The following RUSC1 variants were observed in gnomAD, a reference collection of about 807,000 sequenced individuals.
The protein encoded by RUSC1 is RUN and SH3 domain containing 1, also known as AP-4 complex accessory subunit RUSC1.
RUSC1 carries 40 observed loss-of-function variants against 72.1 expected under a neutral mutation model. The ratio of observed to expected loss-of-function variants is 0.55; its 90% confidence interval spans 0.43 to 0.72. RUSC1 has a LOEUF of 0.72. RUSC1 is among the 30% of genes least tolerant of loss of function. RUSC1 has a pLI of 0.00. For missense variants in RUSC1, 1,092 were observed against 1,172.3 expected (o/e 0.93, Z 1.00); for synonymous variants, 512 against 494.2 (o/e 1.04, Z -0.48).
At chr1:155,321,371 G>A in intron 1 of RUSC1, 1 of 1,380,950 alleles carries the variant, frequency 7.2e-7, no homozygotes, top group Non-Finnish European at 9.7e-7. Flanking sequence ...TGGAGGGCAG[G>A]GCCAGATTGC....
chr1:155,325,056 G>T lies in RUSC1; in HGVS notation c.1457-46G>T. 3 of 1,614,112 alleles carry T rather than the reference G, an allele frequency of 1.9e-6. No individual in the cohort carries two copies. Among genetic ancestry groups the T allele is most frequent in the Non-Finnish European group, 2.5e-6 (3 of 1,179,978 alleles). On this transcript the variant is annotated intron_variant, in intron 3 of 9. Transcript: ENST00000368352. This position sits in a 1 kb window ranked among gnomAD's most constrained non-coding sequence, Gnocchi z 6.5. Reference sequence around the variant, plus strand: ...CTCCACGCCCCTCGGGCAAGCCTGGGTAGGGGCGCGGCCTCCTAGCGTCTT... The same window carrying T: ...CTCCACGCCCCTCGGGCAAGCCTGGTTAGGGGCGCGGCCTCCTAGCGTCTT...
Position 155,325,169 on chromosome 1 carries a change from G to C in RUSC1, c.1524G>C (p.Leu508Phe). The part of the protein sequence containing the change: ...IISHFGAARN[L>F]VQKAQLGDSR... ...CGCATTTCGGGGCCGCCCGGAACTT[G>C]GTGCAGAAGGTGAAGGTGGCTGGGG... Residue 508 changes from leucine to phenylalanine, a missense_variant, in exon 4 of 10, where the codon TTG becomes TTC. By Grantham distance (22) the Leu-to-Phe change is conservative (BLOSUM62 0). Transcript: ENST00000368352. This position sits in a 1 kb window ranked among gnomAD's most constrained non-coding sequence, Gnocchi z 6.5. The C allele has an allele frequency of 6.2e-7, 1 of 1,614,246 alleles. No homozygotes were observed. The highest frequency in any genetic ancestry group is 1.7e-5 in the Admixed American group (1 of 60,026).
chr1:155,323,089 C>A lies in RUSC1; in HGVS notation c.1316C>A (p.Ala439Asp). ...GTCAGCCCAGCGGCTGGCGAGGAGG[C>A]CCCAGCCGCGAAGGAGCCGGGCGCG... ...RAVSPAAGEE[A>D]PAAKEPGAQA... Residue 439 changes from alanine (A) to aspartate (D), a missense_variant, in exon 2 of 10, where the codon GCC (alanine) becomes GAC (aspartate). Coordinates refer to ENST00000368352, the MANE Select transcript of RUSC1 (RefSeq NM_001105203.2). 1 of 1,426,254 alleles carries A rather than the reference C, an allele frequency of 7.0e-7. No homozygotes were observed. 88.3% of individuals were successfully genotyped at this position (1,426,254 alleles called of 1,614,324 possible). A position where few individuals can be genotyped will look rare whatever the true frequency, so the allele number is the denominator to read the frequency against.
In RUSC1 at chr1:155,330,479, G is replaced by C. The variant is rs1288786707; in HGVS notation, c.2617G>C (p.Val873Leu). ...LSFRRGEVLR[V>L]ITTVDEDWLR... ...CTTCCGGCGTGGGGAAGTGCTGCGT[G>C]TCATCACCACAGTGGATGAGGACTG... The change falls in exon 10 of 10, where the codon GTC becomes CTC. Residue 873 changes from valine (V) to leucine (L), a missense_variant. Transcript: ENST00000368352. 6.2e-7 allele frequency: 1 copy of C among 1,614,006 alleles called. No individual in the cohort carries two copies. Among genetic ancestry groups the C allele is most frequent in the Admixed American group, 1.7e-5 (1 of 60,028 alleles).
In RUSC1 at chr1:155,326,793, T is replaced by C; in HGVS notation, c.2075T>C (p.Met692Thr). Residue 692 changes from methionine to threonine, a missense_variant, in exon 8 of 10, where the codon ATG (methionine) becomes ACG (threonine). Met to Thr is a moderately conservative substitution (Grantham distance 81). Transcript: ENST00000368352. The surrounding 1 kb of genome is among the most constrained non-coding windows in gnomAD (Gnocchi z 4.7). ...PGPPPALQQT[M>T]QAMLHFGGRL... ...CCACCTCCAGCTCTGCAGCAGACTA[T>C]GCAAGCCATGCTGCACTTTGGGGGC... 1.9e-6 allele frequency: 3 copies of C among 1,613,144 alleles called. No homozygotes were observed. The highest frequency in any genetic ancestry group is 2.5e-6 in the Non-Finnish European group (3 of 1,180,024).
At chr1:155,324,436 C>T in intron 2 of RUSC1, 2 of 1,613,058 alleles carry the variant, frequency 1.2e-6, no homozygotes, top group South Asian at 1.1e-5. Flanking sequence ...CACGTGCTCC[C>T]CGGGGCTCCG....
chr1:155,326,607 C>T lies in RUSC1; in HGVS notation c.1889C>T (p.Thr630Ile). 6.2e-7 allele frequency: 1 copy of T among 1,613,546 alleles called. No individual in the cohort carries two copies. The highest frequency in any genetic ancestry group is 8.5e-7 in the Non-Finnish European group (1 of 1,179,678). Residue 630 changes from threonine (T) to isoleucine (I), a missense_variant, in exon 8 of 10, where the codon ACA (threonine) becomes ATA (isoleucine). Thr to Ile is a moderately conservative substitution (Grantham distance 89). Coordinates refer to ENST00000368352, the MANE Select transcript of RUSC1 (RefSeq NM_001105203.2). This position sits in a 1 kb window ranked among gnomAD's most constrained non-coding sequence, Gnocchi z 4.7. Reference protein sequence around the residue: ...AGLLSLLYLPTGFFSLARGGC... With the variant: ...AGLLSLLYLPIGFFSLARGGC... ...CTGCTCTCCCTCCTGTACCTGCCAA[C>T]AGGATTTTTCTCCCTGGCCCGCGGT... is the stretch of plus-strand genomic sequence containing the variant.
intron 2 of RUSC1, chr1:155,324,554 G>T (rs1651057597): frequency 6.3e-7 from 1 of 1,584,024 alleles, no homozygotes; most frequent in East Asian, 2.3e-5. Context: ...GGTGAGCGCG[G>T]CCATCCCGCT....
chr1:155,328,319 G>T, intron 9 of RUSC1, 44 bp downstream of exon 9: 1 of 1,541,244 alleles, frequency 6.5e-7, no homozygotes, highest in Non-Finnish European at 8.8e-7. Flanking sequence ...AACCATGTAT[G>T]CTATCACAGC....
At position 155,325,862 on chromosome 1, in the gene RUSC1, A is replaced by G. The variant is rs1225671537; in HGVS notation, c.1815-2A>G. The G allele has an allele frequency of 1.9e-6, 3 of 1,613,962 alleles. No homozygotes were observed. The highest frequency in any genetic ancestry group is 2.5e-6 in the Non-Finnish European group (3 of 1,179,986). On this transcript the variant is annotated splice_acceptor_variant, in intron 6 of 9. Transcript: ENST00000368352. LOFTEE classifies it high-confidence loss of function. This position sits in a 1 kb window ranked among gnomAD's most constrained non-coding sequence, Gnocchi z 6.5. ...ACTTCCATTCCCTCTTTTCTCCCCT[A>G]GCACCAAGCAGTTGGAGCTGTGGTT...
In RUSC1 at chr1:155,321,696, C is replaced by G; in HGVS notation, c.-78C>G. 6.4e-7 allele frequency: 1 copy of G among 1,567,784 alleles called. No individual in the cohort carries two copies. The highest frequency in any genetic ancestry group is 8.7e-7 in the Non-Finnish European group (1 of 1,145,948). ...CCACCTCTGTCTTCTAGGTCTGCAC[C>G]TGTGGTTGCCAGGTAGGTGGATGTG... On this transcript the variant is annotated 5_prime_UTR_variant, in exon 2 of 10. Coordinates refer to ENST00000368352, the MANE Select transcript of RUSC1 (RefSeq NM_001105203.2).
intron 8 of RUSC1, among the ~76,000 whole-genome samples, chr1:155,327,578 G>A (rs560070046): frequency 1.5e-3 from 233 of 152,238 alleles, no homozygotes; most frequent in Non-Finnish European, 1.9e-3. Flanking sequence ...CTATCTGGTC[G>A]TTTAGAAAAA....
intron 2 of RUSC1, 59 bp from the exon 3 acceptor site, chr1:155,324,786 C>A: frequency 1.2e-6 from 2 of 1,611,982 alleles, no homozygotes; most frequent in Non-Finnish European, 1.7e-6. Context: ...GTGCGGGAGC[C>A]CGGAGTCCTC....
At chr1:155,328,415 T>C (rs964416974) in intron 9 of RUSC1, 140 bp downstream of exon 9, 3 of 891,310 alleles carry the variant, frequency 3.4e-6, no homozygotes, top group Admixed American at 7.3e-5. Flanking sequence ...TTATTATCGA[T>C]GTGTCACTCA....
At position 155,322,296 on chromosome 1, in the gene RUSC1, G is replaced by C. The variant is rs769064250; in HGVS notation, c.523G>C (p.Asp175His). 5 of 1,610,250 alleles carry C rather than the reference G, an allele frequency of 3.1e-6. No individual in the cohort carries two copies. In the East Asian group the frequency reaches 1.1e-4, roughly 36 times the overall value. Residue 175 changes from aspartate (D) to histidine (H), a missense_variant, in exon 2 of 10, where the codon GAT becomes CAT. Physicochemically the swap from Asp to His is moderately conservative, Grantham distance 81. Transcript: ENST00000368352. ...DSCSGASSSP[D>H]PGLDSNCNAL... ...CTGCTCCGGAGCTTCTTCTTCACCC[G>C]ATCCTGGCCTGGACTCGAACTGCAA...
In RUSC1 at chr1:155,323,877, C is replaced by T. The variant is rs1282222591; in HGVS notation, c.1357+747C>T. 4.1e-6 allele frequency: 4 copies of T among 983,786 alleles called. No individual in the cohort carries two copies. The African/African-American group carries it at 7.0e-5, about 17-fold the overall frequency. 60.9% of individuals were successfully genotyped at this position (983,786 alleles called of 1,614,324 possible). ...GGCGGGCCGCCCCGCCCACTCTCGC[C>T]CGGCCCCGTTTTCGCTTTTTTTCCG... On this transcript the variant is annotated intron_variant, in intron 2 of 9. Coordinates refer to ENST00000368352, the MANE Select transcript of RUSC1 (RefSeq NM_001105203.2).
intron 8 of RUSC1, among the ~76,000 whole-genome samples, chr1:155,327,385 C>T (rs1355642793): frequency 2.0e-5 from 3 of 151,914 alleles, no homozygotes; most frequent in Non-Finnish European, 2.9e-5. Context: ...GTTCTAGGAC[C>T]CTCACATACA....
chr1:155,324,241 G>T, intron 2 of RUSC1: 1 of 1,458,118 alleles, frequency 6.9e-7, no homozygotes, highest in Non-Finnish European at 9.1e-7. Context: ...GGCACTAGAG[G>T]TTCTGGCCAC....
rs926231713 is a variant in RUSC1 at position 155,330,493 on chromosome 1, G to A, written c.2631G>A (p.Val877=). The part of the protein sequence containing the change: ...RGEVLRVITT[V]DEDWLRCGRD... ...AAGTGCTGCGTGTCATCACCACAGT[G>A]GATGAGGACTGGCTCCGCTGTGGGC... is the stretch of plus-strand genomic sequence containing the variant. Residue 877 remains valine (V), a synonymous_variant, in exon 10 of 10, where the codon GTG becomes GTA. Coordinates refer to ENST00000368352, the MANE Select transcript of RUSC1 (RefSeq NM_001105203.2). The A allele has an allele frequency of 1.4e-5, 23 of 1,613,918 alleles. No homozygotes were observed. Among genetic ancestry groups the A allele is most frequent in the Non-Finnish European group, 1.9e-5 (22 of 1,180,004 alleles).
Sources: allele counts gnomAD v4.1 joint callset (sites outside exome capture counted in the v4.1 genomes callset), GRCh38; gene constraint gnomAD v4.1.1; non-coding constraint Gnocchi (gnomAD v3.1); transcripts MANE v1.5; gene names NCBI Gene and HGNC (gene_info 2026-07-23, HGNC 2026-07-21).